SHTN1: variants seen among roughly 807,000 people sequenced by gnomAD.
SHTN1 encodes shootin-1.
Under a neutral mutation model 83.1 loss-of-function variants are expected in SHTN1, and 42 were observed. The observed-to-expected ratio is 0.51, with a 90% CI of 0.39 to 0.65. The LOEUF (loss-of-function observed/expected upper bound fraction) is 0.65, where lower values mean the gene tolerates loss of function less well. Ranked by LOEUF, SHTN1 falls within the 30% of genes least tolerant of loss-of-function variation. The pLI is 0.00. For synonymous variants in SHTN1, 224 were observed against 247.7 expected (o/e 0.90, Z 0.90); for missense variants, 622 against 737.8 (o/e 0.84, Z 1.82).
chr10:117,079,112 G>A (rs1320086879), intron 1 of SHTN1, among the ~76,000 whole-genome samples: 2 of 151,374 alleles, frequency 1.3e-5, no homozygotes. Flanking sequence ...GTATACATGT[G>A]CCATGCTGGT....
At chr10:116,959,946 A>T (rs185308086) in intron 4 of SHTN1, among the ~76,000 whole-genome samples, 190 bp downstream of exon 4, 7 of 152,362 alleles carry the variant, frequency 4.6e-5, no homozygotes, top group Admixed American at 2.6e-4. Context: ...AATTTGGAAT[A>T]ACCTTTGCAT....
chr10:117,026,507 C>T (rs956830864), intron 2 of SHTN1, among the ~76,000 whole-genome samples: 3 of 151,590 alleles, frequency 2.0e-5, no homozygotes, highest in Non-Finnish European at 2.9e-5. Context: ...ACTGCAACCT[C>T]CTTCTCCCGA....
chr10:117,101,367 T>C (rs1853589967), intron 1 of SHTN1, among the ~76,000 whole-genome samples: 1 of 152,152 alleles, frequency 6.6e-6, no homozygotes, highest in Non-Finnish European at 1.5e-5. Flanking sequence ...AAAGGTTTTC[T>C]GTCACAAGCC....
chr10:116,906,590 T>G, intron 15 of SHTN1, 37 bp downstream of exon 15: 1 of 1,559,206 alleles, frequency 6.4e-7, no homozygotes, highest in Non-Finnish European at 8.7e-7. Context: ...GTTTCAGAGA[T>G]GAAGAGAAGG....
intron 1 of SHTN1, among the ~76,000 whole-genome samples, chr10:117,124,302 T>G (rs894025125): frequency 6.6e-6 from 1 of 151,322 alleles, no homozygotes; most frequent in Admixed American, 6.6e-5. Context: ...ATGAAAAAAG[T>G]GGACCCTGAA....
At chr10:117,075,032 AAAC>A (rs1428734001) in intron 1 of SHTN1, among the ~76,000 whole-genome samples, 2 of 152,238 alleles carry the variant, frequency 1.3e-5, no homozygotes, top group African/African-American at 2.4e-5. Flanking sequence ...TCCTAAAATA[AAAC>A]AATACAGATA....
intron 16 of SHTN1, among the ~76,000 whole-genome samples, chr10:116,899,843 A>AT (rs1589786393): frequency 1.3e-5 from 2 of 152,214 alleles, no homozygotes; most frequent in East Asian, 3.8e-4. Flanking sequence ...GTACTTACTA[A>AT]TAAGTCAAAG....
At chr10:117,056,220 G>A (rs1852825116) in intron 1 of SHTN1, among the ~76,000 whole-genome samples, 1 of 152,070 alleles carries the variant, frequency 6.6e-6, no homozygotes, top group South Asian at 2.1e-4. Flanking sequence ...CAATGTATGA[G>A]GTTAGTATTA....
In SHTN1 at chr10:117,102,687, A is replaced by T. The variant is rs553842729; in HGVS notation, c.-189+23620T>A. ...TCCTTTCTTAAGAGTCCAAGCAGGA[A>T]AGGCAGGTGAAAAAGTTAACTGAAA... is the stretch of plus-strand genomic sequence containing the variant. On this transcript the variant is annotated intron_variant, in intron 1 of 17. Transcript: ENST00000392901. 7.2e-5 allele frequency among the ~76,000 whole-genome samples: 11 copies of T among 152,094 alleles called. No homozygotes were observed. In the South Asian group the frequency reaches 1.2e-3, roughly 17 times the overall value.
At chr10:117,065,858 G>GA (rs1564947550) in intron 1 of SHTN1, among the ~76,000 whole-genome samples, 11 of 91,912 alleles carry the variant, frequency 1.2e-4, no homozygotes, top group African/African-American at 2.5e-4. Context: ...GGAAGGAAAG[G>GA]AGGGAGGGAG....
chr10:116,970,748 G>A (rs1484530648), intron 2 of SHTN1, among the ~76,000 whole-genome samples: 3 of 149,814 alleles, frequency 2.0e-5, no homozygotes, highest in African/African-American at 7.3e-5. Context: ...TGTTAAATGA[G>A]TTGCAGAAGA....
At chr10:117,010,226 G>A (rs1222548775), upstream of SHTN1, among the ~76,000 whole-genome samples, 2 of 151,922 alleles carry the variant, frequency 1.3e-5, no homozygotes, top group Non-Finnish European at 2.9e-5. Context: ...ATATTAAAAT[G>A]GGGACAGTAA....
At chr10:117,019,293 A>G (rs4752024) in intron 2 of SHTN1, among the ~76,000 whole-genome samples, 148,893 of 151,906 alleles carry the variant, frequency 0.98, 73,032 homozygotes, top group East Asian at 1. Flanking sequence ...AAGTGATTCC[A>G]CCATCTCAGC....
chr10:117,065,829 GAA>G (rs1852987458), intron 1 of SHTN1, among the ~76,000 whole-genome samples: 1 of 85,758 alleles, frequency 1.2e-5, no homozygotes, highest in Non-Finnish European at 2.3e-5. Context: ...AGGAAGGAAG[GAA>G]GGAAGGAAGG....
chr10:116,881,613 A>C lies in SHTN1; in HGVS notation c.*4731T>G, dbSNP rs1457797297. 6.4e-7 allele frequency: 1 copy of C among 1,550,434 alleles called. No individual in the cohort carries two copies. The highest frequency in any genetic ancestry group is 8.7e-7 in the Non-Finnish European group (1 of 1,146,912). On this transcript the variant is annotated 3_prime_UTR_variant, in exon 17 of 17. Coordinates refer to ENST00000355371, the MANE Select transcript of SHTN1 (RefSeq NM_001127211.3). ...TGCGGCTAGGGAGCCGCTGGTGCCC[A>C]CCTTCCCCACACAAGGTGTAGAGGA...
intron 1 of SHTN1, among the ~76,000 whole-genome samples, chr10:117,091,085 T>C (rs982817801): frequency 2.6e-5 from 4 of 152,182 alleles, no homozygotes; most frequent in African/African-American, 9.6e-5. Flanking sequence ...CCTTTTACTA[T>C]TTCTCTTGAC....
At chr10:117,046,262 A>G (rs1417819531) in intron 2 of SHTN1, among the ~76,000 whole-genome samples, 1 of 152,182 alleles carries the variant, frequency 6.6e-6, no homozygotes, top group African/African-American at 2.4e-5. Context: ...AAAAATGGCC[A>G]TTTAGGACAT....
chr10:116,925,547 A>G (rs985382096), intron 11 of SHTN1, among the ~76,000 whole-genome samples: 13 of 152,184 alleles, frequency 8.5e-5, no homozygotes, highest in Non-Finnish European at 1.9e-4. Context: ...GGGGTTTGAC[A>G]GCCTCCATAA....
At chr10:116,887,043 T>C (rs1056815745) in intron 16 of SHTN1, among the ~76,000 whole-genome samples, 1 of 152,110 alleles carries the variant, frequency 6.6e-6, no homozygotes. Context: ...CCCTCATCAC[T>C]GATGGACAGG....
Sources: allele counts gnomAD v4.1 joint callset (sites outside exome capture counted in the v4.1 genomes callset), GRCh38; gene constraint gnomAD v4.1.1; transcripts MANE v1.5; gene names NCBI Gene and HGNC (gene_info 2026-07-23, HGNC 2026-07-21).